RARB: variants seen among roughly 807,000 people sequenced by gnomAD.
RARB encodes HBV-activated protein.
A neutral mutation model predicts 51.9 loss-of-function variants in RARB; 17 were observed. The observed-to-expected ratio is 0.33, with a 90% CI of 0.22 to 0.49. The LOEUF is 0.49. Ranked by LOEUF, RARB falls within the 20% of genes least tolerant of loss-of-function variation. The pLI is 0.99. For missense variants in RARB, 369 were observed against 550.8 expected (o/e 0.67, Z 3.30); for synonymous variants, 215 against 195.4 (o/e 1.10, Z -0.84).
chr3:25,552,483 C>G (rs553094113), intron 3 of RARB, among the ~76,000 whole-genome samples: 34 of 152,210 alleles, frequency 2.2e-4, no homozygotes, highest in Middle Eastern at 3.4e-3. Context: ...GGGGAACATT[C>G]TCGTGCCAGT....
chr3:25,050,304 A>G (rs1281889100), intron 2 of RARB, among the ~76,000 whole-genome samples: 1 of 152,052 alleles, frequency 6.6e-6, no homozygotes, highest in Non-Finnish European at 1.5e-5. Flanking sequence ...TCAAGCAGAT[A>G]AGACACACTG....
intron 5 of RARB, among the ~76,000 whole-genome samples, chr3:25,240,004 A>G (rs1575246807): frequency 1.4e-5 from 2 of 147,686 alleles, no homozygotes; most frequent in Non-Finnish European, 3.0e-5. Flanking sequence ...TGGTCTTTCA[A>G]TTCCTTGGTT....
At chr3:25,442,119 TATTTA>T (rs1559404281) in intron 1 of RARB, among the ~76,000 whole-genome samples, 1 of 63,504 alleles carries the variant, frequency 1.6e-5, no homozygotes. Context: ...ATTTTATTTT[TATTTA>T]TTTATTTATT....
At chr3:25,326,099 T>TC (rs1336419500) in intron 5 of RARB, among the ~76,000 whole-genome samples, 9 of 152,090 alleles carry the variant, frequency 5.9e-5, no homozygotes, top group Non-Finnish European at 1.2e-4. Context: ...CCTGCTTATC[T>TC]CCCCCTTGGA....
At chr3:24,856,485 ACTAT>A (rs575741397) in intron 1 of RARB, among the ~76,000 whole-genome samples, 128 of 152,312 alleles carry the variant, frequency 8.4e-4, no homozygotes, top group African/African-American at 3.1e-3. Flanking sequence ...ACTGTACCTG[ACTAT>A]CTATCTAAGT....
intron 5 of RARB, among the ~76,000 whole-genome samples, chr3:25,191,894 C>G (rs879364493): frequency 3.3e-5 from 5 of 152,068 alleles, no homozygotes; most frequent in Admixed American, 6.6e-5. Context: ...TTTGCTGATG[C>G]GTAAGTTTTC....
intron 5 of RARB, among the ~76,000 whole-genome samples, chr3:25,584,095 A>G (rs1041162256): frequency 4.6e-5 from 7 of 152,090 alleles, no homozygotes; most frequent in African/African-American, 1.7e-4. Context: ...AATCGTAAAA[A>G]CAAACCTTGA....
intron 2 of RARB, among the ~76,000 whole-genome samples, chr3:24,914,306 G>A (rs1046809330): frequency 2.6e-5 from 4 of 152,020 alleles, no homozygotes; most frequent in African/African-American, 9.7e-5. Context: ...TGGATTCTAG[G>A]GCCCTGGAAT....
chr3:25,026,559 A>C (rs557578322), intron 2 of RARB, among the ~76,000 whole-genome samples: 1 of 152,198 alleles, frequency 6.6e-6, no homozygotes, highest in Non-Finnish European at 1.5e-5. Context: ...AGATTGGATT[A>C]GGGTCTACTC....
intron 1 of RARB, chr3:24,833,365 C>T (rs1702305239): frequency 6.6e-6 from 1 of 152,232 alleles, no homozygotes. Context: ...ATCTTACCAA[C>T]ACTAGGGCTA....
At chr3:25,471,245 C>T (rs1271249518) in intron 2 of RARB, among the ~76,000 whole-genome samples, 1 of 152,114 alleles carries the variant, frequency 6.6e-6, no homozygotes, top group Admixed American at 6.6e-5. Context: ...CATTGCAAAA[C>T]GTATGTCCTC....
intron 5 of RARB, among the ~76,000 whole-genome samples, chr3:25,215,319 G>T (rs763580995): frequency 6.6e-6 from 1 of 152,122 alleles, no homozygotes; most frequent in East Asian, 1.9e-4. Flanking sequence ...TTTTAAGAAA[G>T]CATGGAAATA....
intron 2 of RARB, among the ~76,000 whole-genome samples, chr3:24,873,644 T>C (rs1436575799): frequency 6.6e-6 from 1 of 151,884 alleles, no homozygotes; most frequent in Non-Finnish European, 1.5e-5. Context: ...TCTGGATAAA[T>C]TGTTATTTAT....
chr3:25,239,561 C>T (rs1048800209), intron 5 of RARB, among the ~76,000 whole-genome samples: 2 of 152,068 alleles, frequency 1.3e-5, no homozygotes, highest in East Asian at 3.9e-4. Context: ...AGAGGATGTC[C>T]TTTTCCCAGT....
chr3:25,205,634 G>C (rs1701520941), intron 5 of RARB, among the ~76,000 whole-genome samples: 1 of 152,036 alleles, frequency 6.6e-6, no homozygotes, highest in Admixed American at 6.5e-5. Flanking sequence ...CATTTACCCT[G>C]ATGTAATTAT....
chr3:25,390,947 T>A (rs2125487049), intron 5 of RARB, among the ~76,000 whole-genome samples: 1 of 152,238 alleles, frequency 6.6e-6, no homozygotes. Flanking sequence ...GGTGTTTGGT[T>A]ACATGAATAA....
In RARB at chr3:25,569,860, T is replaced by C; in HGVS notation, c.551T>C (p.Ile184Thr). ...TAELDDLTEK[I>T]RKAHQETFPS... ...GAGTTGGACGATCTCACAGAGAAGATCCGAAAAGCTCACCAGGAAACTTTC... is the reference window on the plus strand; with the variant it reads ...GAGTTGGACGATCTCACAGAGAAGACCCGAAAAGCTCACCAGGAAACTTTC... Residue 184 changes from isoleucine (I) to threonine (T), a missense_variant, in exon 4 of 8, where the codon ATC becomes ACC. This residue lies in a region of RARB where 46 missense variants were observed against 43.2 expected (regional missense o/e 1.07). Coordinates refer to ENST00000330688, the MANE Select transcript of RARB (RefSeq NM_000965.5). 1 of 1,614,108 alleles carries C rather than the reference T, an allele frequency of 6.2e-7. No homozygotes were observed. Among genetic ancestry groups the C allele is most frequent in the Non-Finnish European group, 8.5e-7 (1 of 1,180,008 alleles).
intron 2 of RARB, among the ~76,000 whole-genome samples, chr3:24,938,540 G>C (rs1419813063): frequency 6.6e-6 from 1 of 152,144 alleles, no homozygotes; most frequent in Non-Finnish European, 1.5e-5. Context: ...CAAACCCAGA[G>C]AGACTATTAT....
chr3:25,345,985 C>A, intron 5 of RARB: 1 of 635,812 alleles, frequency 1.6e-6, no homozygotes, highest in Non-Finnish European at 2.0e-6. Context: ...GGGGCTGGCT[C>A]CGATGAGTAG....
Sources: gnomAD v4.1 joint callset for allele counts (sites outside exome capture counted in the v4.1 genomes callset) on GRCh38, gnomAD v4.1.1 for gene constraint, gnomAD v4.1.1 regional missense constraint, MANE v1.5 for transcripts, NCBI Gene and HGNC (gene_info 2026-07-23, HGNC 2026-07-21) for gene names.